PRKCZ: variants seen among roughly 807,000 people sequenced by gnomAD.
The protein encoded by PRKCZ is protein kinase C zeta.
In PRKCZ, 33 loss-of-function variants were observed where a neutral mutation model predicts 79.5. That is an observed-to-expected ratio of 0.41 (90% CI 0.31 to 0.55). The LOEUF is 0.55. Ranked by LOEUF, PRKCZ falls within the 20% of genes least tolerant of loss-of-function variation. The pLI, the probability that PRKCZ is intolerant of heterozygous loss-of-function variation, is 0.19. For missense variants in PRKCZ, 578 were observed against 813.5 expected (o/e 0.71, Z 3.52); for synonymous variants, 342 against 320.9 (o/e 1.07, Z -0.70).
chr1:2,140,401 C>T (rs1677078059), intron 5 of PRKCZ, among the ~76,000 whole-genome samples: 1 of 152,144 alleles, frequency 6.6e-6, no homozygotes, highest in African/African-American at 2.4e-5. Context: ...GCATGTAATC[C>T]CAGCACTTTG....
Position 2,172,404 on chromosome 1 carries a change from C to G in PRKCZ, c.1285+16C>G, listed in dbSNP as rs1275095587. On this transcript the variant is annotated intron_variant, in intron 13 of 17. Coordinates refer to ENST00000378567, the MANE Select transcript of PRKCZ (RefSeq NM_002744.6). This position sits in a 1 kb window ranked among gnomAD's most constrained non-coding sequence, Gnocchi z 7.8. ...GAGGAGTACGGTGAGTGCCGCTGCC[C>G]TGGCCCCTCTCGGAGCACACAGGGC... The G allele has an allele frequency of 1.9e-6, 3 of 1,606,858 alleles. No homozygotes were observed. Among genetic ancestry groups the G allele is most frequent in the Admixed American group, 1.7e-5 (1 of 59,648 alleles).
intron 4 of PRKCZ, among the ~76,000 whole-genome samples, chr1:2,080,716 A>G (rs1663337247): frequency 6.6e-6 from 1 of 152,086 alleles, no homozygotes; most frequent in East Asian, 1.9e-4. Flanking sequence ...CGCTTGCCTC[A>G]GTCTCCCCTC....
intron 4 of PRKCZ, among the ~76,000 whole-genome samples, chr1:2,086,658 TC>T (rs1316641533): frequency 6.6e-6 from 1 of 152,206 alleles, no homozygotes; most frequent in Non-Finnish European, 1.5e-5. Flanking sequence ...TGCCTGCTGC[TC>T]CTGGGGGCCG....
intron 1 of PRKCZ, among the ~76,000 whole-genome samples, chr1:2,053,565 G>A (rs960595541): frequency 1.3e-5 from 2 of 152,212 alleles, no homozygotes; most frequent in Admixed American, 6.5e-5. Flanking sequence ...TTTGATTCAG[G>A]ATTGGGATAG....
At chr1:2,105,796 G>C (rs112679203) in intron 4 of PRKCZ, among the ~76,000 whole-genome samples, 1 of 152,338 alleles carries the variant, frequency 6.6e-6, no homozygotes, top group Non-Finnish European at 1.5e-5. Flanking sequence ...GCCCCTGGGA[G>C]CTGCTGTGGG....
chr1:2,066,215 G>A (rs1303824738), intron 4 of PRKCZ, among the ~76,000 whole-genome samples: 1 of 152,204 alleles, frequency 6.6e-6, no homozygotes, highest in African/African-American at 2.4e-5. Flanking sequence ...GGCCTCACAG[G>A]ATGAGTGAGG....
chr1:2,184,827 C>A, intron 17 of PRKCZ, 95 bp from the exon 18 acceptor site: 5 of 1,375,268 alleles, frequency 3.6e-6, no homozygotes, highest in South Asian at 2.5e-5. Flanking sequence ...CTCCAGTGGG[C>A]GTTGGGGGAG....
At chr1:2,130,334 C>T (rs72925847) in intron 4 of PRKCZ, among the ~76,000 whole-genome samples, 3,082 of 152,324 alleles carry the variant, frequency 0.02, 79 homozygotes, top group African/African-American at 0.062. Context: ...TGAGGCAAGA[C>T]CCAGATGCTG....
intron 16 of PRKCZ, chr1:2,182,213 G>A: frequency 4.4e-6 from 1 of 229,706 alleles, no homozygotes. Flanking sequence ...TGTTGTTGTT[G>A]TGGCTGTTCT....
chr1:2,079,645 C>T (rs1052294500), intron 4 of PRKCZ, among the ~76,000 whole-genome samples: 3 of 152,244 alleles, frequency 2.0e-5, no homozygotes, highest in East Asian at 1.9e-4. Context: ...GCTGGCCCCG[C>T]GGCTGCTGCT....
intron 6 of PRKCZ, 53 bp downstream of exon 6, chr1:2,144,394 G>A: frequency 6.5e-7 from 1 of 1,539,738 alleles, no homozygotes; most frequent in Non-Finnish European, 8.8e-7. Context: ...TCGGGGCGTG[G>A]CAGCCAGCCC....
At position 2,185,088 on chromosome 1, in the gene PRKCZ, C is replaced by T; in HGVS notation, c.*79C>T. On this transcript the variant is annotated 3_prime_UTR_variant, in exon 18 of 18. Transcript: ENST00000378567. ...TTAACCACCGCATATGCATGCCAGGCTGGGCACGGCTCCGAGGGCGGCCAG... is the reference window on the plus strand; with the variant it reads ...TTAACCACCGCATATGCATGCCAGGTTGGGCACGGCTCCGAGGGCGGCCAG... 2 of 1,361,408 alleles carry T rather than the reference C, an allele frequency of 1.5e-6. No individual in the cohort carries two copies. Among genetic ancestry groups the T allele is most frequent in the Non-Finnish European group, 2.0e-6 (2 of 978,708 alleles). 84.3% of individuals were successfully genotyped at this position (1,361,408 alleles called of 1,614,324 possible).
At position 2,129,250 on chromosome 1, in the gene PRKCZ, AT is replaced by A. The variant is rs564645900; in HGVS notation, c.335-6007del. ...ATCCCCCGAAAAGGTGGGAATGTGG[AT>A]TTTTCAAGGCAGGTGCTCCTTTGAT... On this transcript the variant is annotated intron_variant, in intron 4 of 17. Transcript: ENST00000378567. Among the ~76,000 whole-genome samples the A allele has an allele frequency of 5.9e-5, 9 of 152,196 alleles. No homozygotes were observed. The East Asian group carries it at 1.7e-3, about 29-fold the overall frequency.
chr1:2,059,561 C>G lies in PRKCZ; in HGVS notation c.304C>G (p.Gln102Glu). ...TCCAGTTTTCCCGAGCACCCCTGAGCAGCCTGGCCTGCCATGTCCGGGAGA... is the reference window on the plus strand; with the variant it reads ...TCCAGTTTTCCCGAGCACCCCTGAGGAGCCTGGCCTGCCATGTCCGGGAGA... ...IIHVFPSTPE[Q>E]PGLPCPGEDK... Residue 102 changes from glutamine (Q) to glutamate (E), a missense_variant, in exon 4 of 18, where the codon CAG (glutamine) becomes GAG (glutamate). Physicochemically the swap from Gln to Glu is conservative, Grantham distance 29 (BLOSUM62 2). Transcript: ENST00000378567. 1.2e-6 allele frequency: 2 copies of G among 1,614,234 alleles called. No homozygotes were observed. The highest frequency in any genetic ancestry group is 2.2e-5 in the South Asian group (2 of 91,092).
In PRKCZ at chr1:2,184,718, G is replaced by A; in HGVS notation, c.1691+20G>A. ...CGATGAGTGAGTCCCACTGGGTGCG[G>A]GTCCCTGGAGCACCCCTCGGGCAGC... On this transcript the variant is annotated intron_variant, in intron 17 of 17. Coordinates refer to ENST00000378567, the MANE Select transcript of PRKCZ (RefSeq NM_002744.6). 1 of 1,601,134 alleles carries A rather than the reference G, an allele frequency of 6.2e-7. No homozygotes were observed. The highest frequency in any genetic ancestry group is 8.5e-7 in the Non-Finnish European group (1 of 1,171,730).
intron 16 of PRKCZ, chr1:2,184,120 G>T (rs1687163979): frequency 6.5e-6 from 1 of 154,170 alleles, no homozygotes; most frequent in Non-Finnish European, 1.4e-5. Context: ...TGAAGTCGAT[G>T]CCTGGATAGG....
At chr1:2,101,522 C>T (rs1667440638) in intron 4 of PRKCZ, among the ~76,000 whole-genome samples, 1 of 152,166 alleles carries the variant, frequency 6.6e-6, no homozygotes, top group Non-Finnish European at 1.5e-5. Context: ...TTCTTTCGTT[C>T]ATTCATTCAT....
In PRKCZ at chr1:2,094,545, T is replaced by A. The variant is rs1473859423; in HGVS notation, c.334+34954T>A. Among the ~76,000 whole-genome samples the A allele has an allele frequency of 8.3e-6, 1 of 119,950 alleles. No homozygotes were observed. The highest frequency in any genetic ancestry group is 2.9e-4 in the South Asian group (1 of 3,476). The allele number at this position is 119,950 out of a possible 152,430, so 78.7% of individuals were successfully genotyped here. On this transcript the variant is annotated intron_variant, in intron 4 of 17. Transcript: ENST00000378567. The surrounding 1 kb of genome is among the most constrained non-coding windows in gnomAD (Gnocchi z 7.3). The stretch of plus-strand genomic sequence containing the variant: ...GGGCGCTGCCCGTTCTGAGGCGCCC[T>A]CTGTGCCCGGCTCGATGAACCTTGG...
chr1:2,162,905 C>G (rs1021008390), intron 10 of PRKCZ, among the ~76,000 whole-genome samples: 1 of 151,978 alleles, frequency 6.6e-6, no homozygotes, highest in African/African-American at 2.4e-5. Flanking sequence ...TAGTAACTTT[C>G]ATGGCTTCTG....
Sources: gnomAD v4.1 joint callset for allele counts (sites outside exome capture counted in the v4.1 genomes callset) on GRCh38, gnomAD v4.1.1 for gene constraint, Gnocchi (gnomAD v3.1) non-coding constraint, MANE v1.5 for transcripts, NCBI Gene and HGNC (gene_info 2026-07-23, HGNC 2026-07-21) for gene names.